Variants in ITCH observed in about 807,000 individuals in gnomAD.
The protein encoded by ITCH is E3 ubiquitin-protein ligase Itchy homolog.
ITCH carries 28 observed loss-of-function variants against 126.8 expected under a neutral mutation model. The ratio of observed to expected loss-of-function variants is 0.22; its 90% CI spans 0.16 to 0.30. The LOEUF is 0.30. Among genes scored for constraint, ITCH ranks in the 10% least tolerant of loss-of-function variants. The pLI is 1.00. For synonymous variants in ITCH, 342 were observed against 340.0 expected (o/e 1.01, Z -0.06); for missense variants, 631 against 1,032.4 (o/e 0.61, Z 5.33).
At chr20:34,407,394 G>A (rs144548684) in intron 3 of ITCH, among the ~76,000 whole-genome samples, 201 of 152,214 alleles carry the variant, frequency 1.3e-3, no homozygotes, top group African/African-American at 4.6e-3. Flanking sequence ...AGCCTCCTGA[G>A]TAGCTGGGAT....
chr20:34,488,388 C>T (rs1046407614), intron 20 of ITCH, among the ~76,000 whole-genome samples: 4 of 152,116 alleles, frequency 2.6e-5, no homozygotes, highest in African/African-American at 7.2e-5. Context: ...ATCCTCATGT[C>T]GTAGAGACAA....
chr20:34,424,229 A>G (rs1364963124), intron 6 of ITCH, among the ~76,000 whole-genome samples: 1 of 152,232 alleles, frequency 6.6e-6, no homozygotes, highest in Non-Finnish European at 1.5e-5. Flanking sequence ...GTGCATGAGT[A>G]ATATACCTTT....
chr20:34,409,149 C>G (rs1389048769), intron 4 of ITCH, among the ~76,000 whole-genome samples: 1 of 137,268 alleles, frequency 7.3e-6, no homozygotes, highest in South Asian at 2.7e-4. Context: ...TCCCCCCCCC[C>G]CCGGTTTTTA....
chr20:34,466,710 G>A (rs1458854605), intron 14 of ITCH, among the ~76,000 whole-genome samples: 1 of 152,062 alleles, frequency 6.6e-6, no homozygotes, highest in Non-Finnish European at 1.5e-5. Flanking sequence ...CAAAAAAGAA[G>A]TTACAAGAAA....
chr20:34,452,319 C>G (rs1468512307), intron 12 of ITCH, among the ~76,000 whole-genome samples: 1 of 152,200 alleles, frequency 6.6e-6, no homozygotes, highest in African/African-American at 2.4e-5. Context: ...TAGCCAACAA[C>G]ACTTTGCTAA....
At chr20:34,364,516 A>G (rs1233840953) in intron 1 of ITCH, among the ~76,000 whole-genome samples, 1 of 152,046 alleles carries the variant, frequency 6.6e-6, no homozygotes, top group African/African-American at 2.4e-5. Flanking sequence ...TGAAGTTCTC[A>G]TGGCAGATCT....
intron 7 of ITCH, among the ~76,000 whole-genome samples, chr20:34,430,497 T>A (rs1392000341): frequency 6.6e-6 from 1 of 152,154 alleles, no homozygotes; most frequent in Non-Finnish European, 1.5e-5. Flanking sequence ...GTTTTAAGAC[T>A]GAGTTTTGCT....
chr20:34,408,879 T>G, intron 4 of ITCH, 87 bp downstream of exon 4: 9 of 1,357,846 alleles, frequency 6.6e-6, no homozygotes, highest in Non-Finnish European at 6.2e-6. Context: ...CACTTTGGTT[T>G]TTTGTTGTTG....
chr20:34,405,259 C>CT (rs1242168461), intron 3 of ITCH, among the ~76,000 whole-genome samples: 30 of 151,588 alleles, frequency 2.0e-4, no homozygotes. Flanking sequence ...AATTCCAACA[C>CT]TTTGAGGGGC....
intron 20 of ITCH, 113 bp downstream of exon 20, chr20:34,481,319 TC>T: frequency 8.6e-7 from 1 of 1,166,220 alleles, no homozygotes; most frequent in Non-Finnish European, 1.3e-6. Context: ...TCTGTACTAA[TC>T]AATATCCTAT....
rs78171777 is a variant in ITCH, at chr20:34,449,241, T to A, written c.1141-170T>A. 8.9e-3 allele frequency among the ~76,000 whole-genome samples: 1,358 copies of A among 152,276 alleles called. 19 individuals are homozygous for A. The highest frequency in any genetic ancestry group is 0.031 in the African/African-American group (1,284 of 41,548). Reference sequence around the variant, plus strand: ...AGGTAATGTTTGCACCGGTTTTTTTTAAACCAAACCAAAGTATATTGGCAT... The same window carrying A: ...AGGTAATGTTTGCACCGGTTTTTTTAAAACCAAACCAAAGTATATTGGCAT... On this transcript the variant is annotated intron_variant, in intron 11 of 24. Coordinates refer to ENST00000374864, the MANE Select transcript of ITCH (RefSeq NM_031483.7).
rs1042454126 is a variant in ITCH, at chr20:34,415,550, T to A, written c.475+1671T>A. Among the ~76,000 whole-genome samples, 48 of 151,920 alleles carry A rather than the reference T, an allele frequency of 3.2e-4. 1 individual carries two copies. Among genetic ancestry groups the A allele is most frequent in the Admixed American group, 3.0e-3 (46 of 15,250 alleles). ...TCCAGCCTGGGTGACAGAGTGAGAC[T>A]CTCTCTCAAAAAAAATAAAGTAGCA... On this transcript the variant is annotated intron_variant, in intron 6 of 24. Coordinates refer to ENST00000374864, the MANE Select transcript of ITCH (RefSeq NM_031483.7).
At chr20:34,418,190 C>G (rs560728241) in intron 6 of ITCH, among the ~76,000 whole-genome samples, 1 of 152,114 alleles carries the variant, frequency 6.6e-6, no homozygotes, top group East Asian at 1.9e-4. Flanking sequence ...GTCTCAAACT[C>G]CTGAGCTCAG....
At chr20:34,491,549 T>A (rs1989511556) in intron 22 of ITCH, among the ~76,000 whole-genome samples, 3 of 149,768 alleles carry the variant, frequency 2.0e-5, no homozygotes. Flanking sequence ...AGAATTTATG[T>A]TGTGTATATT....
At chr20:34,364,334 A>G (rs2037325464) in intron 1 of ITCH, among the ~76,000 whole-genome samples, 1 of 151,802 alleles carries the variant, frequency 6.6e-6, no homozygotes, top group South Asian at 2.1e-4. Context: ...GGAGTGGGGG[A>G]TGGGGAATTG....
At chr20:34,483,569 T>G (rs1302269370) in intron 20 of ITCH, among the ~76,000 whole-genome samples, 1 of 152,164 alleles carries the variant, frequency 6.6e-6, no homozygotes, top group African/African-American at 2.4e-5. Context: ...CCCAAAAAGT[T>G]TCTCATTTCC....
At chr20:34,375,233 G>A (rs1462522045) in intron 2 of ITCH, among the ~76,000 whole-genome samples, 1 of 151,228 alleles carries the variant, frequency 6.6e-6, no homozygotes, top group Non-Finnish European at 1.5e-5. Flanking sequence ...CAGAGACGAG[G>A]TTTCTCCATG....
intron 10 of ITCH, among the ~76,000 whole-genome samples, chr20:34,444,483 T>C (rs1177220961): frequency 1.3e-5 from 2 of 152,020 alleles, no homozygotes; most frequent in African/African-American, 4.8e-5. Context: ...CTCAGGAGGC[T>C]GAGGCAGGAG....
At chr20:34,498,270 T>C (rs1274143081) in intron 23 of ITCH, among the ~76,000 whole-genome samples, 4 of 152,198 alleles carry the variant, frequency 2.6e-5, no homozygotes, top group African/African-American at 9.6e-5. Context: ...TAAGGTCATG[T>C]TGTCTGCGAA....
Sources: allele counts gnomAD v4.1 joint callset (sites outside exome capture counted in the v4.1 genomes callset), GRCh38; gene constraint gnomAD v4.1.1; transcripts MANE v1.5; gene names NCBI Gene and HGNC (gene_info 2026-07-23, HGNC 2026-07-21).